TMEM52B: variants seen among roughly 807,000 people sequenced by gnomAD.
The protein encoded by TMEM52B is chromosome 12 open reading frame 59.
In TMEM52B, 11 loss-of-function variants were observed where a neutral mutation model predicts 16.1. The observed-to-expected ratio is 0.68, with a 90% confidence interval of 0.43 to 1.13. The LOEUF is 1.13. Ranked by LOEUF, TMEM52B falls within the 50% of genes most tolerant of loss-of-function variation. TMEM52B has a pLI of 0.00. For missense variants in TMEM52B, 243 were observed against 230.4 expected (o/e 1.05, Z -0.35); for synonymous variants, 101 against 93.8 (o/e 1.08, Z -0.45).
chr12:10,172,357 A>G (rs1948730456), intron 1 of TMEM52B: 2 of 309,688 alleles, frequency 6.5e-6, no homozygotes, highest in Non-Finnish European at 1.2e-5. Flanking sequence ...ATTTTTCATG[A>G]GCATCAGAGG....
chr12:10,178,693 CAAGA>C (rs1292903304), upstream of TMEM52B, among the ~76,000 whole-genome samples: 3 of 151,748 alleles, frequency 2.0e-5, no homozygotes, highest in Non-Finnish European at 2.9e-5. Flanking sequence ...AAAGAAAAGG[CAAGA>C]AAGAAAGAAA....
chr12:10,187,796 T>G (rs1948898225), intron 4 of TMEM52B, among the ~76,000 whole-genome samples: 1 of 152,048 alleles, frequency 6.6e-6, no homozygotes, highest in Non-Finnish European at 1.5e-5. Context: ...ATGTGGATAT[T>G]TATTTTGAAA....
chr12:10,185,230 CA>C (rs1948866965), intron 2 of TMEM52B, 99 bp from the exon 3 acceptor site: 1 of 841,906 alleles, frequency 1.2e-6, no homozygotes, highest in African/African-American at 1.7e-5. Flanking sequence ...TTATTTATAA[CA>C]AGGTATCACA....
chr12:10,189,765 G>A (rs1474488305), intron 4 of TMEM52B, 131 bp from the exon 5 acceptor site: 1 of 1,259,982 alleles, frequency 7.9e-7, no homozygotes, highest in Non-Finnish European at 1.1e-6. Context: ...ATAAAATTTG[G>A]GGCAAGGAGT....
upstream of TMEM52B, among the ~76,000 whole-genome samples, chr12:10,176,788 C>A (rs1407918977): frequency 1.3e-5 from 2 of 151,950 alleles, no homozygotes; most frequent in Non-Finnish European, 2.9e-5. Flanking sequence ...TACTATTACC[C>A]CCATTTTATA....
rs1948944602 is a variant in TMEM52B at position 10,190,381 on chromosome 12, G to A, written c.*241G>A. ...TCTGCAAGTAATCTCTAGCCACACTGATTACTACTAAACCAGGAAAGCATC... is the reference window on the plus strand; with the variant it reads ...TCTGCAAGTAATCTCTAGCCACACTAATTACTACTAAACCAGGAAAGCATC... On this transcript the variant is annotated 3_prime_UTR_variant, in exon 5 of 5. Transcript: ENST00000543484. 6.2e-6 allele frequency: 3 copies of A among 482,236 alleles called. No homozygotes were observed. The highest frequency in any genetic ancestry group is 3.3e-5 in the Admixed American group (1 of 30,026). 29.9% of individuals were successfully genotyped at this position (482,236 alleles called of 1,614,324 possible). A position where few individuals can be genotyped will look rare whatever the true frequency, so the allele number is the denominator to read the frequency against.
chr12:10,180,544 C>T (rs1948810948), intron 1 of TMEM52B, among the ~76,000 whole-genome samples: 1 of 152,132 alleles, frequency 6.6e-6, no homozygotes, highest in African/African-American at 2.4e-5. Flanking sequence ...CCATTTCTTT[C>T]CAATGAAAAC....
At chr12:10,182,392 G>C (rs1334613603) in intron 1 of TMEM52B, 158 bp from the exon 2 acceptor site, 1 of 985,266 alleles carries the variant, frequency 1.0e-6, no homozygotes, top group Non-Finnish European at 1.2e-6. Flanking sequence ...AGCAAGTATG[G>C]GAGAGATGAA....
chr12:10,177,338 A>T, upstream of TMEM52B, among the ~76,000 whole-genome samples: 1 of 152,268 alleles, frequency 6.6e-6, no homozygotes, highest in East Asian at 1.9e-4. Context: ...CCATTTTCTC[A>T]TTATTTGTTT....
intron 1 of TMEM52B, among the ~76,000 whole-genome samples, chr12:10,173,489 GA>G (rs2137532477): frequency 1.3e-5 from 2 of 151,892 alleles, no homozygotes; most frequent in East Asian, 3.9e-4. Flanking sequence ...AGAACAAATT[GA>G]AAAAGTTGGC....
chr12:10,189,623 C>CAAAAAA lies in TMEM52B; in HGVS notation c.308-259_308-254dup, dbSNP rs766090432. On this transcript the variant is annotated intron_variant, in intron 4 of 4. Transcript: ENST00000543484. ...GGGCAACAAGAGCAAAACTCCGTCT[C>CAAAAAA]AAAAAAAAAAAAAAAAAAAGAGAGA... Among the ~76,000 whole-genome samples the CAAAAAA allele has an allele frequency of 1.3e-4, 11 of 82,910 alleles. 1 individual carries two copies. Among genetic ancestry groups the CAAAAAA allele is most frequent in the African/African-American group, 2.8e-4 (6 of 21,450 alleles). The allele number at this position is 82,910 out of a possible 152,430, so 54.4% of individuals were successfully genotyped here. A position where few individuals can be genotyped will look rare whatever the true frequency, so the allele number is the denominator to read the frequency against.
At chr12:10,185,013 T>G (rs976251040) in intron 2 of TMEM52B, among the ~76,000 whole-genome samples, 3 of 152,150 alleles carry the variant, frequency 2.0e-5, no homozygotes, top group African/African-American at 7.2e-5. Flanking sequence ...CACCTGGCCC[T>G]TTCTTGGTCA....
At chr12:10,175,669 G>A (rs888391605), upstream of TMEM52B, 4 of 152,208 alleles carry the variant, frequency 2.6e-5, no homozygotes, top group African/African-American at 9.7e-5. Flanking sequence ...CCTATGCTGT[G>A]ATCTTGGCTT....
chr12:10,175,767 C>T (rs1418416650), upstream of TMEM52B, among the ~76,000 whole-genome samples: 1 of 152,210 alleles, frequency 6.6e-6, no homozygotes, highest in Non-Finnish European at 1.5e-5. Flanking sequence ...GAAATCAGGG[C>T]TGTGGCCCTA....
At chr12:10,181,736 G>A (rs1482817555) in intron 1 of TMEM52B, among the ~76,000 whole-genome samples, 1 of 151,490 alleles carries the variant, frequency 6.6e-6, no homozygotes, top group Non-Finnish European at 1.5e-5. Flanking sequence ...AATATTAAGA[G>A]TTCATGGCCG....
At chr12:10,173,079 A>T (rs940099756) in intron 1 of TMEM52B, among the ~76,000 whole-genome samples, 6 of 152,188 alleles carry the variant, frequency 3.9e-5, no homozygotes, top group Admixed American at 1.3e-4. Context: ...CAGTTGAATT[A>T]CCCATCAAAT....
At chr12:10,178,773 G>A (rs1948789738), upstream of TMEM52B, among the ~76,000 whole-genome samples, 1 of 152,164 alleles carries the variant, frequency 6.6e-6, no homozygotes. Flanking sequence ...CTATTTCAAT[G>A]GGAAGTGAAG....
In TMEM52B at chr12:10,189,162, C is replaced by T. The variant is rs181940232; in HGVS notation, c.308-734C>T. ...AGGTTGCAGCGACCCGAGATTGTGC[C>T]ACTGCACTCCAACCTGGGTGACAGA... On this transcript the variant is annotated intron_variant, in intron 4 of 4. Transcript: ENST00000543484. Among the ~76,000 whole-genome samples the T allele has an allele frequency of 2.6e-3, 377 of 146,516 alleles. 4 individuals are homozygous for T. Among genetic ancestry groups the T allele is most frequent in the African/African-American group, 9.2e-3 (362 of 39,504 alleles).
upstream of TMEM52B, chr12:10,175,521 C>T (rs936245724): frequency 1.3e-5 from 2 of 152,212 alleles, no homozygotes; most frequent in Admixed American, 6.5e-5. Flanking sequence ...CCTTGCTGCT[C>T]ACATAATTTG....
Sources: gnomAD v4.1 joint callset for allele counts (sites outside exome capture counted in the v4.1 genomes callset) on GRCh38, gnomAD v4.1.1 for gene constraint, MANE v1.5 for transcripts, NCBI Gene and HGNC (gene_info 2026-07-23, HGNC 2026-07-21) for gene names.